Variants in CENPO observed in about 807,000 individuals in gnomAD.
CENPO encodes the protein centromere protein O.
In CENPO, 30 loss-of-function variants were observed where a neutral mutation model predicts 36.1. That is an observed-to-expected ratio of 0.83 (90% CI 0.62 to 1.13). The LOEUF (loss-of-function observed/expected upper bound fraction) is 1.13, where lower values mean the gene tolerates loss of function less well. CENPO is among the 50% of genes most tolerant of loss of function. The pLI is 0.00. For synonymous variants in CENPO, 171 were observed against 142.3 expected (o/e 1.20, Z -1.44); for missense variants, 349 against 357.8 (o/e 0.98, Z 0.20).
Position 24,820,538 on chromosome 2 carries a change from GT to G in CENPO, c.*1221del. On this transcript the variant is annotated 3_prime_UTR_variant, in exon 8 of 8. Transcript: ENST00000380834. ...ACTTCAGCCCAGATTTTGTGGATGG[GT>G]GGAAGTGTTTCTTCCTGTGCTGAGG... 7.1e-7 allele frequency: 1 copy of G among 1,403,442 alleles called. No homozygotes were observed. Among genetic ancestry groups the G allele is most frequent in the South Asian group, 1.5e-5 (1 of 65,498 alleles). The allele number at this position is 1,403,442 out of a possible 1,614,324, so 86.9% of individuals were successfully genotyped here.
chr2:24,817,478 CTG>C (rs1459531880), intron 6 of CENPO, among the ~76,000 whole-genome samples, 190 bp from the exon 7 acceptor site: 22 of 27,698 alleles, frequency 7.9e-4, no homozygotes, highest in Admixed American at 3.1e-3. Context: ...AAAAAAAAAG[CTG>C]TATGGGTCCA....
rs1356115422 is a variant in CENPO at position 24,820,980 on chromosome 2, T to C, written c.*1662T>C. Reference sequence around the variant, plus strand: ...CATCATTGTCCTCATTCAACTTGGCTGTATGCTATTGGAGGGTGGAAATCA... The same window carrying C: ...CATCATTGTCCTCATTCAACTTGGCCGTATGCTATTGGAGGGTGGAAATCA... On this transcript the variant is annotated 3_prime_UTR_variant, in exon 8 of 8. Transcript: ENST00000380834. 15 of 1,323,748 alleles carry C rather than the reference T, an allele frequency of 1.1e-5. No homozygotes were observed. The highest frequency in any genetic ancestry group is 1.5e-5 in the African/African-American group (1 of 67,802). The allele number at this position is 1,323,748 out of a possible 1,614,324, so 82.0% of individuals were successfully genotyped here.
Position 24,816,708 on chromosome 2 carries a change from A to G in CENPO, c.657A>G (p.Ser219=), listed in dbSNP as rs762763112. ...GAAACCCACTGTGTAACTTGCTGTC[A>G]TTTACTTACAAACTGGATCCAGGGG... is the stretch of plus-strand genomic sequence containing the variant. ...LQRNPLCNLL[S]FTYKLDPGGQ... The change falls in exon 6 of 8, where the codon TCA becomes TCG. Residue 219 remains serine (S), a synonymous_variant. Coordinates refer to ENST00000380834, the MANE Select transcript of CENPO (RefSeq NM_001322101.2). The G allele has an allele frequency of 4.3e-6, 7 of 1,613,174 alleles. No individual in the cohort carries two copies. Among genetic ancestry groups the G allele is most frequent in the Middle Eastern group, 1.6e-4 (1 of 6,082 alleles).
intron 3 of CENPO, among the ~76,000 whole-genome samples, chr2:24,800,733 A>G (rs1175052888): frequency 6.6e-6 from 1 of 152,062 alleles, no homozygotes; most frequent in African/African-American, 2.4e-5. Flanking sequence ...TCATTGTAGG[A>G]CATTTGGGTT....
rs1356521692 is a variant in CENPO, at chr2:24,820,997, TGGAAATCAC to T, written c.*1680_*1688del. 8.7e-7 allele frequency: 1 copy of T among 1,144,472 alleles called. No homozygotes were observed. Among genetic ancestry groups the T allele is most frequent in the Non-Finnish European group, 1.2e-6 (1 of 819,470 alleles). The allele number at this position is 1,144,472 out of a possible 1,614,324, so 70.9% of individuals were successfully genotyped here. On this transcript the variant is annotated 3_prime_UTR_variant, in exon 8 of 8. Coordinates refer to ENST00000380834, the MANE Select transcript of CENPO (RefSeq NM_001322101.2). ...AACTTGGCTGTATGCTATTGGAGGG[TGGAAATCAC>T]ATCTCCTGTTTATCCGTGTGCTTGT...
chr2:24,801,872 T>G (rs188254262), intron 3 of CENPO, among the ~76,000 whole-genome samples: 1 of 152,188 alleles, frequency 6.6e-6, no homozygotes, highest in African/African-American at 2.4e-5. Context: ...AGAAAGTCAT[T>G]GGTAGCTTGA....
At chr2:24,811,073 A>C (rs919847118) in intron 3 of CENPO, among the ~76,000 whole-genome samples, 9 of 150,718 alleles carry the variant, frequency 6.0e-5, no homozygotes, top group African/African-American at 2.0e-4. Flanking sequence ...CGTCCCAAGT[A>C]GGTGGGATTA....
chr2:24,820,122 G>C lies in CENPO; in HGVS notation c.*804G>C. ...TTGGGTTTCTTCTACCACCTGGAGA[G>C]GGAGGGGGAGCAAGAACGTGGCGTT... On this transcript the variant is annotated 3_prime_UTR_variant, in exon 8 of 8. Transcript: ENST00000380834. 6.5e-7 allele frequency: 1 copy of C among 1,533,872 alleles called. No homozygotes were observed. Among genetic ancestry groups the C allele is most frequent in the South Asian group, 1.3e-5 (1 of 78,640 alleles).
chr2:24,816,640 T>A lies in CENPO; in HGVS notation c.595-6T>A. The A allele has an allele frequency of 6.2e-7, 1 of 1,601,500 alleles. No individual in the cohort carries two copies. The highest frequency in any genetic ancestry group is 8.5e-7 in the Non-Finnish European group (1 of 1,174,066). On this transcript the variant is annotated splice_polypyrimidine_tract_variant and splice_region_variant and intron_variant, in intron 5 of 7. Coordinates refer to ENST00000380834, the MANE Select transcript of CENPO (RefSeq NM_001322101.2). ...TCTACTTCGTTTTGTTCCTCACCCC[T>A]CTTAGAGTGACTTTGCAGCCCTCCT...
rs149824724 is a variant in CENPO at position 24,820,078 on chromosome 2, C to T, written c.*760C>T. The T allele has an allele frequency of 4.1e-5, 65 of 1,574,908 alleles. No individual in the cohort carries two copies. Among genetic ancestry groups the T allele is most frequent in the Admixed American group, 1.7e-4 (9 of 54,186 alleles). On this transcript the variant is annotated 3_prime_UTR_variant, in exon 8 of 8. Transcript: ENST00000380834. Reference sequence around the variant, plus strand: ...GGGCCTCGCCTCACAAAGCGGAAGCCGTACTCTCGGAGGATGACTTGGGTT... The same window carrying T: ...GGGCCTCGCCTCACAAAGCGGAAGCTGTACTCTCGGAGGATGACTTGGGTT...
Position 24,819,982 on chromosome 2 carries a change from G to T in CENPO, c.*664G>T. 6.2e-7 allele frequency: 1 copy of T among 1,613,662 alleles called. No individual in the cohort carries two copies. On this transcript the variant is annotated 3_prime_UTR_variant, in exon 8 of 8. Coordinates refer to ENST00000380834, the MANE Select transcript of CENPO (RefSeq NM_001322101.2). ...GGCAGTGTGACAGAGGGGCCATTGG[G>T]GAAGGTGGCTAGCTTATCCCGCCCC...
At chr2:24,805,622 G>A (rs912180378) in intron 3 of CENPO, among the ~76,000 whole-genome samples, 10 of 152,188 alleles carry the variant, frequency 6.6e-5, no homozygotes, top group African/African-American at 1.9e-4. Context: ...TATCAGCAGC[G>A]GAGGTTGCAG....
rs141853689 is a variant in CENPO at position 24,798,080 on chromosome 2, A to G, written c.47-1595A>G. ...ATGGGATGTTCAGCCAGTAAGTGTA[A>G]TGCAAATACTCCCAATTCCGAAATC... is the stretch of plus-strand genomic sequence containing the variant. On this transcript the variant is annotated intron_variant, in intron 2 of 7. Transcript: ENST00000380834. Among the ~76,000 whole-genome samples, 8 of 152,308 alleles carry G rather than the reference A, an allele frequency of 5.3e-5. No individual in the cohort carries two copies. The East Asian group carries it at 1.3e-3, about 26-fold the overall frequency.
At position 24,799,728 on chromosome 2, in the gene CENPO, C is replaced by T. The variant is rs753997989; in HGVS notation, c.100C>T (p.Gln34Ter). ...GACCCAAGTGAGCAGATCCCGTAAACAGTCTGAAGAGCTGCAGAGCGTGCA... is the reference window on the plus strand; with the variant it reads ...GACCCAAGTGAGCAGATCCCGTAAATAGTCTGAAGAGCTGCAGAGCGTGCA... ...LETQVSRSRKQSEELQSVQAQ... is the reference protein window; with the variant it reads ...LETQVSRSRK Residue 34 changes from glutamine (Q) to a stop codon, truncating the protein, a stop_gained, in exon 3 of 8, where the codon CAG becomes TAG. Transcript: ENST00000380834. LOFTEE classifies it high-confidence loss of function. 6.2e-7 allele frequency: 1 copy of T among 1,614,070 alleles called. No homozygotes were observed. The highest frequency in any genetic ancestry group is 1.1e-5 in the South Asian group (1 of 91,084).
At position 24,820,707 on chromosome 2, in the gene CENPO, T is replaced by C. The variant is rs754986592; in HGVS notation, c.*1389T>C. On this transcript the variant is annotated 3_prime_UTR_variant, in exon 8 of 8. Coordinates refer to ENST00000380834, the MANE Select transcript of CENPO (RefSeq NM_001322101.2). The stretch of plus-strand genomic sequence containing the variant: ...ATGCCGAGTCTGAGCACGTGCCAGC[T>C]GTGCCACTGGACATACCTGAATGTT... The C allele has an allele frequency of 1.9e-6, 3 of 1,613,788 alleles. No individual in the cohort carries two copies. In the Admixed American group the frequency reaches 5.0e-5, roughly 27 times the overall value.
At chr2:24,798,975 CTTT>C (rs70947846) in intron 2 of CENPO, among the ~76,000 whole-genome samples, 88 of 114,510 alleles carry the variant, frequency 7.7e-4, no homozygotes, top group African/African-American at 1.5e-3. Flanking sequence ...CTGGGGCTTC[CTTT>C]TTTTTTTTTT....
chr2:24,799,864 C>A lies in CENPO; in HGVS notation c.216+20C>A. ...GCCAGCGTGAGTAGAAGGGTGGTATCAGCAGTTCCTTTAGAGTATAATGAA... is the reference window on the plus strand; with the variant it reads ...GCCAGCGTGAGTAGAAGGGTGGTATAAGCAGTTCCTTTAGAGTATAATGAA... On this transcript the variant is annotated intron_variant, in intron 3 of 7. Coordinates refer to ENST00000380834, the MANE Select transcript of CENPO (RefSeq NM_001322101.2). 1.2e-6 allele frequency: 2 copies of A among 1,611,234 alleles called. No homozygotes were observed. The highest frequency in any genetic ancestry group is 2.2e-5 in the South Asian group (2 of 90,874).
intron 3 of CENPO, among the ~76,000 whole-genome samples, chr2:24,806,562 A>G (rs202222684): frequency 6.6e-6 from 1 of 152,198 alleles, no homozygotes; most frequent in Non-Finnish European, 1.5e-5. Context: ...TAAGTTTGTT[A>G]CCTCAATCAT....
intron 3 of CENPO, among the ~76,000 whole-genome samples, chr2:24,810,153 C>T (rs1666611363): frequency 6.6e-6 from 1 of 151,762 alleles, no homozygotes; most frequent in Admixed American, 6.6e-5. Context: ...TGAATTTTTC[C>T]CCTTTTATTC....
Sources: allele counts gnomAD v4.1 joint callset (sites outside exome capture counted in the v4.1 genomes callset), GRCh38; gene constraint gnomAD v4.1.1; transcripts MANE v1.5; gene names NCBI Gene and HGNC (gene_info 2026-07-23, HGNC 2026-07-21).